FBN2: variants seen among roughly 807,000 people sequenced by gnomAD.
FBN2 encodes fibrillin 2, also known as fibrillin-2.
A neutral mutation model predicts 355.6 loss-of-function variants in FBN2; 105 were observed. That is an observed-to-expected ratio of 0.30 (90% CI 0.25 to 0.35). The LOEUF is 0.35. Ranked by LOEUF, FBN2 falls within the 10% of genes least tolerant of loss-of-function variation. The pLI, the probability that FBN2 is intolerant of heterozygous loss-of-function variation, is 1.00. For missense variants in FBN2, 3,280 were observed against 3,758.7 expected (o/e 0.87, Z 3.33); for synonymous variants, 1,350 against 1,301.2 (o/e 1.04, Z -0.81).
intron 60 of FBN2, 127 bp from the exon 61 acceptor site, chr5:128,274,095 T>C: frequency 9.7e-7 from 1 of 1,031,240 alleles, no homozygotes; most frequent in Non-Finnish European, 1.5e-6. Context: ...TTTGGGAAAA[T>C]TTATACCAAA....
intron 5 of FBN2, among the ~76,000 whole-genome samples, chr5:128,504,068 T>A (rs937359139): frequency 1.3e-5 from 2 of 152,194 alleles, no homozygotes; most frequent in East Asian, 3.9e-4. Flanking sequence ...TCAGAGGTTG[T>A]AAGCCCTAAA....
intron 33 of FBN2, 90 bp from the exon 34 acceptor site, chr5:128,328,911 C>A: frequency 7.3e-7 from 1 of 1,374,104 alleles, no homozygotes; most frequent in Non-Finnish European, 1.0e-6. Flanking sequence ...GTTTTACTGG[C>A]TTGACTTAAT....
At chr5:128,300,986 A>G (rs1300483337) in intron 47 of FBN2, 50 bp from the exon 48 acceptor site, 1 of 1,552,596 alleles carries the variant, frequency 6.4e-7, no homozygotes, top group Admixed American at 1.7e-5. Flanking sequence ...GATAATTGTT[A>G]CATAGATTTA....
At chr5:128,497,714 C>T (rs1443563257) in intron 5 of FBN2, among the ~76,000 whole-genome samples, 3 of 152,252 alleles carry the variant, frequency 2.0e-5, no homozygotes, top group East Asian at 1.9e-4. Context: ...AGCCATATTT[C>T]AATATTCCTG....
At chr5:128,382,812 C>T (rs564194996) in intron 11 of FBN2, among the ~76,000 whole-genome samples, 1 of 152,024 alleles carries the variant, frequency 6.6e-6, no homozygotes. Flanking sequence ...AGTCCTACAT[C>T]ACTATTGTCA....
intron 8 of FBN2, among the ~76,000 whole-genome samples, chr5:128,407,295 G>A (rs1310987349): frequency 6.6e-6 from 1 of 152,076 alleles, no homozygotes; most frequent in East Asian, 1.9e-4. Flanking sequence ...TGTAAATTTG[G>A]AATAACTATA....
At chr5:128,469,058 T>C (rs1341904044) in intron 5 of FBN2, among the ~76,000 whole-genome samples, 2 of 152,144 alleles carry the variant, frequency 1.3e-5, no homozygotes, top group African/African-American at 4.8e-5. Context: ...TACTAGATAT[T>C]GTTCTGGGCT....
At chr5:128,368,457 CATATATAT>C (rs1289727706) in intron 16 of FBN2, among the ~76,000 whole-genome samples, 29 of 75,806 alleles carry the variant, frequency 3.8e-4, no homozygotes, top group African/African-American at 2.2e-3. Context: ...TATATATACA[CATATATAT>C]ACATATATAT....
At chr5:128,364,179 G>GTT (rs1369772558) in intron 18 of FBN2, among the ~76,000 whole-genome samples, 1 of 151,998 alleles carries the variant, frequency 6.6e-6, no homozygotes, top group Non-Finnish European at 1.5e-5. Flanking sequence ...CTTTGTCTTA[G>GTT]TTGTCATGTT....
intron 34 of FBN2, among the ~76,000 whole-genome samples, chr5:128,319,696 AC>A (rs957373712): frequency 4.6e-5 from 7 of 152,150 alleles, no homozygotes; most frequent in African/African-American, 1.7e-4. Context: ...AAATATCTCT[AC>A]TGAATTGGAC....
chr5:128,476,834 T>C (rs937651522), intron 5 of FBN2, among the ~76,000 whole-genome samples: 4 of 152,186 alleles, frequency 2.6e-5, no homozygotes, highest in Non-Finnish European at 4.4e-5. Flanking sequence ...TACAATGAGA[T>C]TCAATAGCTC....
intron 7 of FBN2, among the ~76,000 whole-genome samples, chr5:128,422,349 C>T (rs1027637349): frequency 2.2e-4 from 33 of 152,166 alleles, no homozygotes; most frequent in African/African-American, 2.4e-5. Context: ...AGCAATTTTA[C>T]AAAAGGATAA....
chr5:128,492,800 T>A (rs150437130), intron 5 of FBN2, among the ~76,000 whole-genome samples: 5,326 of 58,922 alleles, frequency 0.09, 173 homozygotes, highest in African/African-American at 0.24. Context: ...CGAAACTCCA[T>A]CTCAAAAAAA....
At chr5:128,280,068 T>A (rs1300158081) in intron 56 of FBN2, 124 bp downstream of exon 56, 8 of 762,490 alleles carry the variant, frequency 1.0e-5, no homozygotes, top group Non-Finnish European at 1.1e-5. Flanking sequence ...AGAAGAAGCA[T>A]GTGGATTATT....
intron 7 of FBN2, among the ~76,000 whole-genome samples, chr5:128,428,144 T>G (rs1314562324): frequency 2.0e-5 from 3 of 152,158 alleles, no homozygotes; most frequent in Admixed American, 6.5e-5. Context: ...TGGTCCAAGC[T>G]ACCATCAAGT....
chr5:128,431,972 A>C (rs925738451), intron 7 of FBN2, among the ~76,000 whole-genome samples: 39 of 152,224 alleles, frequency 2.6e-4, no homozygotes, highest in African/African-American at 9.2e-4. Context: ...CAGGTACCTG[A>C]AACTGTAGAA....
At chr5:128,412,547 G>A (rs1753097854) in intron 7 of FBN2, among the ~76,000 whole-genome samples, 1 of 152,154 alleles carries the variant, frequency 6.6e-6, no homozygotes. Flanking sequence ...GTGGCCAGTC[G>A]AGTGAAGTTA....
At chr5:128,513,288 T>C (rs1031908487) in intron 5 of FBN2, among the ~76,000 whole-genome samples, 1 of 152,256 alleles carries the variant, frequency 6.6e-6, no homozygotes, top group Non-Finnish European at 1.5e-5. Flanking sequence ...GCACATCTGA[T>C]TTAATTACTT....
intron 20 of FBN2, among the ~76,000 whole-genome samples, chr5:128,352,946 T>G (rs963205466): frequency 1.3e-4 from 19 of 151,954 alleles, no homozygotes; most frequent in South Asian, 2.1e-4. Context: ...GCTGAGGCAG[T>G]CGGATCGCTG....
Sources: allele counts gnomAD v4.1 joint callset (sites outside exome capture counted in the v4.1 genomes callset), GRCh38; gene constraint gnomAD v4.1.1; transcripts MANE v1.5; gene names NCBI Gene and HGNC (gene_info 2026-07-23, HGNC 2026-07-21).